BDP1: variants seen among roughly 807,000 people sequenced by gnomAD.
The protein encoded by BDP1 is transcription factor TFIIIB component B'' homolog.
BDP1 carries 169 observed loss-of-function variants against 266.6 expected under a neutral mutation model. That is an observed-to-expected ratio of 0.63 (90% CI 0.56 to 0.72). The LOEUF (loss-of-function observed/expected upper bound fraction) is 0.72. Among genes scored for constraint, BDP1 ranks in the 30% least tolerant of loss-of-function variants. The pLI is 0.00. For missense variants in BDP1, 3,015 were observed against 3,053.8 expected (o/e 0.99, Z 0.30); for synonymous variants, 1,090 against 1,022.4 (o/e 1.07, Z -1.26).
chr5:71,473,262 ATTTTTTTTTTTTTTTT>A (rs869174435), intron 7 of BDP1, among the ~76,000 whole-genome samples: 11 of 59,962 alleles, frequency 1.8e-4, no homozygotes, highest in East Asian at 1.1e-3. Context: ...TCTTAATGTA[ATTTTTTTTTTTTTTTT>A]TTTTTTTTTT....
At chr5:71,472,283 A>T (rs1762297932) in intron 7 of BDP1, among the ~76,000 whole-genome samples, 1 of 152,206 alleles carries the variant, frequency 6.6e-6, no homozygotes. Context: ...CAACATGGTG[A>T]AACCCCGTCT....
chr5:71,515,118 G>A lies in BDP1; in HGVS notation c.4645G>A (p.Val1549Met), dbSNP rs780772584. Residue 1549 changes from valine to methionine, a missense_variant, in exon 20 of 39, where the codon GTG (valine) becomes ATG (methionine). Around this residue, in one of 3 missense-constraint regions of BDP1, gnomAD observed 2,383 missense variants for 2,404.9 expected, o/e 0.99. Transcript: ENST00000358731. ...PVQKNDSVVS[V>M]GTNNVNTFQQ... ...CCAGAAAAATGACTCAGTTGTTTCT[G>A]TGGGGTAAACAGTGATTTTCTTTGA... The A allele has an allele frequency of 5.0e-6, 8 of 1,589,638 alleles. No homozygotes were observed. Among genetic ancestry groups the A allele is most frequent in the Non-Finnish European group, 6.8e-6 (8 of 1,172,156 alleles).
chr5:71,509,985 T>A lies in BDP1; in HGVS notation c.2893T>A (p.Ser965Thr). The A allele has an allele frequency of 6.2e-7, 1 of 1,613,050 alleles. No individual in the cohort carries two copies. The part of the protein sequence containing the change: ...TDLKATGNES[S>T]PREKTPEVTD... ...TTTGAAAGCAACTGGAAATGAGAGT[T>A]CCCCAAGGGAGAAGACACCAGAGGT... Residue 965 changes from serine (S) to threonine (T), a missense_variant, in exon 17 of 39, where the codon TCC becomes ACC. Ser to Thr is a moderately conservative substitution (Grantham distance 58). Coordinates refer to ENST00000358731, the MANE Select transcript of BDP1 (RefSeq NM_018429.3).
intron 7 of BDP1, among the ~76,000 whole-genome samples, chr5:71,472,728 T>TA (rs1487007946): frequency 6.6e-6 from 1 of 152,178 alleles, no homozygotes; most frequent in East Asian, 1.9e-4. Context: ...TGTTCCCTCT[T>TA]CTATTTTCTG....
chr5:71,512,697 A>G (rs896242658), intron 18 of BDP1, among the ~76,000 whole-genome samples: 3 of 152,148 alleles, frequency 2.0e-5, no homozygotes, highest in Non-Finnish European at 4.4e-5. Context: ...CTAGGCTCAT[A>G]CCTGGATTGT....
intron 35 of BDP1, among the ~76,000 whole-genome samples, chr5:71,555,175 G>A (rs1743127738): frequency 6.6e-6 from 1 of 152,132 alleles, no homozygotes; most frequent in Admixed American, 6.5e-5. Context: ...AAATTTCCTA[G>A]TTAATGTTAA....
intron 19 of BDP1, 79 bp from the exon 20 acceptor site, chr5:71,514,865 A>G: frequency 1.0e-6 from 1 of 955,460 alleles, no homozygotes; most frequent in Non-Finnish European, 1.5e-6. Flanking sequence ...CACGAAGATG[A>G]TATCAGTTTA....
intron 25 of BDP1, among the ~76,000 whole-genome samples, chr5:71,525,395 ACC>A (rs553807042): frequency 1.1e-5 from 1 of 93,622 alleles, no homozygotes; most frequent in East Asian, 3.5e-4. Flanking sequence ...CGGGGGGCTG[ACC>A]CCCCCACCTC....
At chr5:71,528,750 G>A (rs1233788055) in intron 25 of BDP1, among the ~76,000 whole-genome samples, 1 of 152,128 alleles carries the variant, frequency 6.6e-6, no homozygotes, top group Non-Finnish European at 1.5e-5. Context: ...GCAAAATGAG[G>A]TTGTTTCTTA....
chr5:71,551,698 G>A (rs1010007700), intron 34 of BDP1, among the ~76,000 whole-genome samples: 4 of 151,722 alleles, frequency 2.6e-5, no homozygotes, highest in African/African-American at 4.8e-5. Flanking sequence ...GGGCAGAGGC[G>A]CCCCTCACTT....
chr5:71,553,277 G>A lies in BDP1; in HGVS notation c.7157G>A (p.Arg2386His), dbSNP rs751700801. 7.4e-6 allele frequency: 12 copies of A among 1,612,876 alleles called. 1 individual carries two copies. Among genetic ancestry groups the A allele is most frequent in the South Asian group, 4.4e-5 (4 of 91,024 alleles). The change falls in exon 35 of 39, where the codon CGT becomes CAT. Residue 2386 changes from arginine to histidine, a missense_variant. Physicochemically the swap from Arg to His is conservative, Grantham distance 29. This residue lies in a region of BDP1 where 629 missense variants were observed against 632.5 expected (regional missense o/e 0.99). Coordinates refer to ENST00000358731, the MANE Select transcript of BDP1 (RefSeq NM_018429.3). The part of the protein sequence containing the change: ...KNDHIPPAKK[R>H]SLTLRDDCQE... ...GACCACATTCCTCCTGCCAAAAAAC[G>A]TTCACTCACTTTAAGAGATGACTGT... is the stretch of plus-strand genomic sequence containing the variant.
intron 7 of BDP1, among the ~76,000 whole-genome samples, chr5:71,480,783 C>CG (rs1035407562): frequency 3.9e-5 from 6 of 152,074 alleles, no homozygotes; most frequent in Non-Finnish European, 8.8e-5. Flanking sequence ...AGGCTGGTCT[C>CG]GAACTCCTGA....
rs747559497 is a variant in BDP1, at chr5:71,516,061, G to C, written c.4650G>C (p.Gly1550=). 2 of 1,598,858 alleles carry C rather than the reference G, an allele frequency of 1.3e-6. No homozygotes were observed. Among genetic ancestry groups the C allele is most frequent in the Non-Finnish European group, 1.7e-6 (2 of 1,171,876 alleles). ...VQKNDSVVSV[G]TNNVNTFQQE... ...CCTTTCTCCCTGTCCCCTTGTTTAG[G>C]ACTAATAATGTAAACACTTTCCAGC... The change falls in exon 21 of 39, where the codon GGG becomes GGC. Residue 1550 remains glycine (G), a splice_region_variant and synonymous_variant. Transcript: ENST00000358731.
intron 25 of BDP1, among the ~76,000 whole-genome samples, chr5:71,524,547 A>G (rs1053490669): frequency 1.3e-5 from 2 of 152,110 alleles, no homozygotes; most frequent in Non-Finnish European, 2.9e-5. Flanking sequence ...CAACGAGAGA[A>G]ATCTGCTTAC....
rs1014078148 is a variant in BDP1, at chr5:71,479,707, C to T, written c.1015-4135C>T. On this transcript the variant is annotated intron_variant, in intron 7 of 38. Transcript: ENST00000358731. The stretch of plus-strand genomic sequence containing the variant: ...GACAACAGGCGCCCACCACCACGCC[C>T]GGCTAATTTTTTGTATTTTTAGTAG... Among the ~76,000 whole-genome samples, 149 of 149,934 alleles carry T rather than the reference C, an allele frequency of 9.9e-4. 3 individuals carry two copies. Among genetic ancestry groups the T allele is most frequent in the African/African-American group, 3.0e-3 (123 of 40,866 alleles).
At chr5:71,535,114 TTAG>T (rs1766508834) in intron 26 of BDP1, among the ~76,000 whole-genome samples, 1 of 152,200 alleles carries the variant, frequency 6.6e-6, no homozygotes. Flanking sequence ...TCTTTCTGTA[TTAG>T]TTTCCTAGGA....
chr5:71,504,851 T>C (rs1282608378), intron 16 of BDP1, 100 bp downstream of exon 16: 1 of 1,089,728 alleles, frequency 9.2e-7, no homozygotes, highest in Non-Finnish European at 1.4e-6. Flanking sequence ...GGATTTGTTG[T>C]CTGCGTGTCT....
chr5:71,517,013 G>A (rs1323448035), intron 21 of BDP1, among the ~76,000 whole-genome samples: 1 of 151,974 alleles, frequency 6.6e-6, no homozygotes, highest in East Asian at 1.9e-4. Context: ...TCTGAACTAG[G>A]CATCCTTGTT....
At chr5:71,532,619 T>C (rs938325240) in intron 26 of BDP1, among the ~76,000 whole-genome samples, 192 bp downstream of exon 26, 3 of 152,236 alleles carry the variant, frequency 2.0e-5, no homozygotes, top group African/African-American at 7.2e-5. Flanking sequence ...GAGCTCTTAA[T>C]ATCCTCATAG....
Sources: allele counts gnomAD v4.1 joint callset (sites outside exome capture counted in the v4.1 genomes callset), GRCh38; gene constraint gnomAD v4.1.1; regional missense constraint gnomAD v4.1.1; transcripts MANE v1.5; gene names NCBI Gene and HGNC (gene_info 2026-07-23, HGNC 2026-07-21).